ALS2CL: variants seen among roughly 807,000 people sequenced by gnomAD.
ALS2CL encodes ALS2 C-terminal-like protein.
Under a neutral mutation model 127.9 loss-of-function variants are expected in ALS2CL, and 112 were observed. The ratio of observed to expected loss-of-function variants is 0.88; its 90% CI spans 0.75 to 1.02. ALS2CL has a LOEUF of 1.02. Ranked by LOEUF, ALS2CL falls within the 50% of genes least tolerant of loss-of-function variation. The probability of loss-of-function intolerance (pLI) is 0.00; values close to 1 mark genes in which losing one functional copy is unlikely to be tolerated. For synonymous variants in ALS2CL, 519 were observed against 527.6 expected (o/e 0.98, Z 0.22); for missense variants, 1,174 against 1,236.7 (o/e 0.95, Z 0.76).
In ALS2CL at chr3:46,674,753, C is replaced by T. The variant is rs370821138; in HGVS notation, c.2256-14G>A. The T allele has an allele frequency of 1.7e-5, 27 of 1,594,328 alleles. No individual in the cohort carries two copies. Among genetic ancestry groups the T allele is most frequent in the African/African-American group, 5.4e-5 (4 of 74,312 alleles). On this transcript the variant is annotated splice_polypyrimidine_tract_variant and intron_variant, in intron 20 of 25. Transcript: ENST00000318962. ...ACCTGGAGGTCCCTGATGGGGAGACCGGAACAGGTTGGGATGAGCAAGGTG... is the reference window on the plus strand; with the variant it reads ...ACCTGGAGGTCCCTGATGGGGAGACTGGAACAGGTTGGGATGAGCAAGGTG...
At position 46,681,070 on chromosome 3, in the gene ALS2CL, G is replaced by A. The variant is rs577673064; in HGVS notation, c.1436+176C>T. On this transcript the variant is annotated intron_variant, in intron 13 of 25. Transcript: ENST00000318962. This position sits in a 1 kb window ranked among gnomAD's most constrained non-coding sequence, Gnocchi z 4.9. ...GGGCGGGGGCGACCCTGCAGTCAGC[G>A]TGACCAAGATTCGCTCAGCCTGAGC... 37 of 1,043,470 alleles carry A rather than the reference G, an allele frequency of 3.5e-5. No individual in the cohort carries two copies. The highest frequency in any genetic ancestry group is 7.1e-5 in the Admixed American group (4 of 56,674). The allele number at this position is 1,043,470 out of a possible 1,614,324, so 64.6% of individuals were successfully genotyped here.
In ALS2CL at chr3:46,686,558, G is replaced by A; in HGVS notation, c.535-119C>T. The A allele has an allele frequency of 1.5e-6, 2 of 1,363,876 alleles. No individual in the cohort carries two copies. Among genetic ancestry groups the A allele is most frequent in the Non-Finnish European group, 2.0e-6 (2 of 1,009,506 alleles). 84.5% of individuals were successfully genotyped at this position (1,363,876 alleles called of 1,614,324 possible). ...GGCCAGACCTTGCCCTTCTCTCCCT[G>A]ACAGCTCCTCTTCTGCTGGTGGGGC... On this transcript the variant is annotated intron_variant, in intron 5 of 25. Coordinates refer to ENST00000318962, the MANE Select transcript of ALS2CL (RefSeq NM_147129.5). This position sits in a 1 kb window ranked among gnomAD's most constrained non-coding sequence, Gnocchi z 4.3.
rs972771163 is a variant in ALS2CL at position 46,669,121 on chromosome 3, C to T, written c.*1863G>A. ...ATCTCCGCTCACTGCAACCTCGACC[C>T]TCCAGGCTCAGGGATCTTCCCACCT... On this transcript the variant is annotated 3_prime_UTR_variant, in exon 26 of 26. Coordinates refer to ENST00000318962, the MANE Select transcript of ALS2CL (RefSeq NM_147129.5). The T allele has an allele frequency of 2.0e-5, 3 of 152,136 alleles. No homozygotes were observed. The highest frequency in any genetic ancestry group is 7.2e-5 in the African/African-American group (3 of 41,426). The allele number at this position is 152,136 out of a possible 1,614,324, so 9.4% of individuals were successfully genotyped here.
intron 2 of ALS2CL, 21 bp downstream of exon 2, chr3:46,689,317 C>A (rs751170313): frequency 6.2e-7 from 1 of 1,610,864 alleles, no homozygotes; most frequent in Non-Finnish European, 8.5e-7. Context: ...CTTCCCTCCC[C>A]ACTAGAAAGC....
In ALS2CL at chr3:46,685,506, G is replaced by C; in HGVS notation, c.786+19C>G. ...AACCCTACTGTGGCCTCAAGACCTT[G>C]GGTCAGCCCCACCCCAACCTGCAGC... On this transcript the variant is annotated intron_variant, in intron 7 of 25. Coordinates refer to ENST00000318962, the MANE Select transcript of ALS2CL (RefSeq NM_147129.5). 6.2e-7 allele frequency: 1 copy of C among 1,611,982 alleles called. No homozygotes were observed. Among genetic ancestry groups the C allele is most frequent in the Non-Finnish European group, 8.5e-7 (1 of 1,178,434 alleles).
Position 46,676,866 on chromosome 3 carries a change from A to ATCG in ALS2CL, c.1913_1914insCGA (p.Asp638dup), listed in dbSNP as rs769956811. On this transcript the variant is annotated inframe_insertion, in exon 17 of 26. Coordinates refer to ENST00000318962, the MANE Select transcript of ALS2CL (RefSeq NM_147129.5). ...GGCCTCACCTCTCGCAGGACAGGTA[A>ATCG]TCCTGAGACCTACGCAGCTCCCTGG... 3 of 1,613,586 alleles carry ATCG rather than the reference A, an allele frequency of 1.9e-6. No homozygotes were observed. In the South Asian group the frequency reaches 3.3e-5, roughly 18 times the overall value.
chr3:46,686,664 G>C lies in ALS2CL; in HGVS notation c.535-225C>G, dbSNP rs1699814081. Among the ~76,000 whole-genome samples the C allele has an allele frequency of 6.6e-6, 1 of 152,080 alleles. No homozygotes were observed. The highest frequency in any genetic ancestry group is 2.4e-5 in the African/African-American group (1 of 41,384). On this transcript the variant is annotated intron_variant, in intron 5 of 25. Coordinates refer to ENST00000318962, the MANE Select transcript of ALS2CL (RefSeq NM_147129.5). This position sits in a 1 kb window ranked among gnomAD's most constrained non-coding sequence, Gnocchi z 4.3. ...ATTCCCAGGACGTGATTCTACCCCT[G>C]CTCTCTGGGTCTCTGCTGGCTCTAC...
chr3:46,689,537 G>A lies in ALS2CL; in HGVS notation c.-25-72C>T, dbSNP rs545992016. 229 of 1,034,816 alleles carry A rather than the reference G, an allele frequency of 2.2e-4. No homozygotes were observed. In the African/African-American group the frequency reaches 3.4e-3, roughly 15 times the overall value. 64.1% of individuals were successfully genotyped at this position (1,034,816 alleles called of 1,614,324 possible). ...GCCAGTGCCCATCCTCTCAGGCAGG[G>A]TGCCCAGAAGCAAGGTCCATGACCA... On this transcript the variant is annotated intron_variant, in intron 1 of 25. Coordinates refer to ENST00000318962, the MANE Select transcript of ALS2CL (RefSeq NM_147129.5).
chr3:46,671,771 G>C, intron 24 of ALS2CL, 113 bp downstream of exon 24: 1 of 1,539,846 alleles, frequency 6.5e-7, no homozygotes, highest in East Asian at 2.4e-5. Context: ...TTCCCCATCT[G>C]TACAGAGAGA....
rs760991552 is a variant in ALS2CL, at chr3:46,683,158, C to T, written c.1081G>A (p.Glu361Lys). 21 of 1,600,156 alleles carry T rather than the reference C, an allele frequency of 1.3e-5. No homozygotes were observed. The highest frequency in any genetic ancestry group is 1.7e-4 in the Middle Eastern group (1 of 5,720). The change falls in exon 10 of 26, where the codon GAG (glutamate) becomes AAG (lysine). Residue 361 changes from glutamate (E) to lysine (K), a missense_variant. Glu to Lys is a moderately conservative substitution (Grantham distance 56). Transcript: ENST00000318962. ...CCGTGGGGCCGGCCCCTGCACCACT[C>T]GCCCTCGTAGGTGGCCTGGCAGAGC... ...GRLCQATYEG[E>K]WCRGRPHGKG...
intron 16 of ALS2CL, 152 bp downstream of exon 16, chr3:46,678,107 C>G (rs1254742039): frequency 1.3e-6 from 1 of 791,940 alleles, no homozygotes; most frequent in Admixed American, 4.2e-5. Flanking sequence ...CCAAGAGTCT[C>G]TGACTGGAGT....
intron 1 of ALS2CL, 95 bp from the exon 2 acceptor site, chr3:46,689,560 C>T: frequency 1.3e-6 from 1 of 759,712 alleles, no homozygotes; most frequent in Non-Finnish European, 2.1e-6. Context: ...AGGTCCATGA[C>T]CACCCACATC....
At chr3:46,688,577 T>C (rs56358528) in intron 2 of ALS2CL, among the ~76,000 whole-genome samples, 2,174 of 152,262 alleles carry the variant, frequency 0.014, 46 homozygotes, top group African/African-American at 0.05. Flanking sequence ...CTCAGGGAAC[T>C]AAGTACATAC....
intron 19 of ALS2CL, chr3:46,676,036 G>T: frequency 7.1e-7 from 1 of 1,400,240 alleles, no homozygotes; most frequent in Non-Finnish European, 9.3e-7. Flanking sequence ...GTTGGGTCTT[G>T]GACTCTAGCT....
rs764570879 is a variant in ALS2CL at position 46,683,838 on chromosome 3, G to A, written c.856C>T (p.His286Tyr). The change falls in exon 9 of 26, where the codon CAC becomes TAC. Residue 286 changes from histidine (H) to tyrosine (Y), a missense_variant. By Grantham distance (83) the His-to-Tyr change is moderately conservative (BLOSUM62 2). Transcript: ENST00000318962. ...AACTCTTCTTCGGGCGTGAGGAGGT[G>A]AAACGTGCACCTAGACAGACGGAGG... ...VDPGQDGCTF[H>Y]LLTPEEEFSF... The A allele has an allele frequency of 3.1e-6, 5 of 1,614,198 alleles. No individual in the cohort carries two copies. The highest frequency in any genetic ancestry group is 3.3e-5 in the Admixed American group (2 of 60,026).
In ALS2CL at chr3:46,686,960, A is replaced by C; in HGVS notation, c.534+23T>G. The C allele has an allele frequency of 1.3e-6, 2 of 1,557,406 alleles. No homozygotes were observed. Among genetic ancestry groups the C allele is most frequent in the Non-Finnish European group, 1.7e-6 (2 of 1,155,222 alleles). On this transcript the variant is annotated intron_variant, in intron 5 of 25. Coordinates refer to ENST00000318962, the MANE Select transcript of ALS2CL (RefSeq NM_147129.5). The surrounding 1 kb of genome is among the most constrained non-coding windows in gnomAD (Gnocchi z 4.3). Reference sequence around the variant, plus strand: ...CCCTCCCTTCCCTCGGCTTCCCCACATGCTGCTGCCCCTGGTACCCACCTC... The same window carrying C: ...CCCTCCCTTCCCTCGGCTTCCCCACCTGCTGCTGCCCCTGGTACCCACCTC...
At chr3:46,692,439 T>C (rs1167917662) in intron 1 of ALS2CL, among the ~76,000 whole-genome samples, 2 of 151,446 alleles carry the variant, frequency 1.3e-5, no homozygotes, top group East Asian at 3.9e-4. Flanking sequence ...AGTTCAAAGG[T>C]TCCTTAGTGA....
intron 19 of ALS2CL, 120 bp from the exon 20 acceptor site, chr3:46,675,806 G>T (rs1035008793): frequency 3.9e-5 from 60 of 1,537,246 alleles, no homozygotes; most frequent in Non-Finnish European, 4.7e-5. Context: ...GGCCTGCAGG[G>T]TTCATCCTCT....
rs931833077 is a variant in ALS2CL, at chr3:46,686,994, T to A, written c.523A>T (p.Thr175Ser). 9 of 1,595,622 alleles carry A rather than the reference T, an allele frequency of 5.6e-6. No homozygotes were observed. The Admixed American group carries it at 1.4e-4, about 24-fold the overall frequency. ...CCCCTGGTACCCACCTCCCCAATGG[T>A]GTCCCCGAGGCTCAGCAGGAGGAGC... ...YVLLLLSLGD[T>S]IGEHHPTREL... The change falls in exon 5 of 26, where the codon ACC (threonine) becomes TCC (serine). Residue 175 changes from threonine (T) to serine (S), a missense_variant. Coordinates refer to ENST00000318962, the MANE Select transcript of ALS2CL (RefSeq NM_147129.5). The surrounding 1 kb of genome is among the most constrained non-coding windows in gnomAD (Gnocchi z 4.3).
Sources: gnomAD v4.1 joint callset for allele counts (sites outside exome capture counted in the v4.1 genomes callset) on GRCh38, gnomAD v4.1.1 for gene constraint, Gnocchi (gnomAD v3.1) non-coding constraint, MANE v1.5 for transcripts, NCBI Gene and HGNC (gene_info 2026-07-23, HGNC 2026-07-21) for gene names.